The following DCLK1 variants were observed in gnomAD, a reference collection of about 807,000 sequenced individuals.
The protein encoded by DCLK1 is doublecortin like kinase 1.
In DCLK1, 16 loss-of-function variants were observed where a neutral mutation model predicts 86.2. The ratio of observed to expected loss-of-function variants is 0.19; its 90% CI spans 0.13 to 0.28. The LOEUF is 0.28. Ranked by LOEUF, DCLK1 falls within the 10% of genes least tolerant of loss-of-function variation. The pLI, the probability that DCLK1 is intolerant of heterozygous loss-of-function variation, is 1.00. For synonymous variants in DCLK1, 369 were observed against 370.5 expected (o/e 1.00, Z 0.05); for missense variants, 590 against 940.2 (o/e 0.63, Z 4.87).
intron 8 of DCLK1, among the ~76,000 whole-genome samples, chr13:35,832,681 A>G (rs989723488): frequency 1.2e-4 from 18 of 152,212 alleles, no homozygotes; most frequent in Admixed American, 1.1e-3. Flanking sequence ...TTGTTTACCA[A>G]GTAATCCTAA....
intron 3 of DCLK1, among the ~76,000 whole-genome samples, chr13:35,948,623 A>T (rs1877507909): frequency 6.6e-6 from 1 of 152,214 alleles, no homozygotes; most frequent in Non-Finnish European, 1.5e-5. Context: ...AAATGCAATG[A>T]TGTGTGGGCT....
chr13:35,865,428 T>A (rs934352054), intron 5 of DCLK1, among the ~76,000 whole-genome samples: 1 of 152,262 alleles, frequency 6.6e-6, no homozygotes, highest in Non-Finnish European at 1.5e-5. Flanking sequence ...TAGTGATTCA[T>A]CCTCCAGTGT....
chr13:35,991,523 G>A (rs1003651131), intron 3 of DCLK1, among the ~76,000 whole-genome samples: 6 of 151,992 alleles, frequency 3.9e-5, no homozygotes, highest in Admixed American at 2.6e-4. Context: ...TTAGCCAGGT[G>A]TGGTGGTGCA....
At chr13:35,991,292 C>G (rs1444200205) in intron 3 of DCLK1, among the ~76,000 whole-genome samples, 2 of 152,150 alleles carry the variant, frequency 1.3e-5, no homozygotes, top group African/African-American at 4.8e-5. Flanking sequence ...GTTCACTCTT[C>G]AACAGACTTA....
chr13:35,867,909 A>AGAAAGAAAG (rs1555345720), intron 5 of DCLK1, among the ~76,000 whole-genome samples: 1 of 102,374 alleles, frequency 9.8e-6, no homozygotes, highest in Non-Finnish European at 1.9e-5. Context: ...GAAAGAAAGA[A>AGAAAGAAAG]AAAGAAAGAA....
intron 15 of DCLK1, among the ~76,000 whole-genome samples, chr13:35,794,218 T>C (rs949977738): frequency 7.2e-5 from 11 of 152,204 alleles, no homozygotes; most frequent in Admixed American, 3.9e-4. Context: ...GAGTTCATGA[T>C]GAAAAGGCTG....
At chr13:36,056,906 A>AAATATATAT (rs4054844) in intron 3 of DCLK1, among the ~76,000 whole-genome samples, 6 of 130,174 alleles carry the variant, frequency 4.6e-5, no homozygotes, top group Admixed American at 3.4e-4. Flanking sequence ...AAAAAAAAAA[A>AAATATATAT]ATATATATAT....
chr13:36,131,808 G>T (rs935934111), upstream of DCLK1, among the ~76,000 whole-genome samples: 1 of 152,190 alleles, frequency 6.6e-6, no homozygotes, highest in Admixed American at 6.5e-5. Context: ...CTTTCCCAGG[G>T]TATGGAAGCC....
chr13:35,918,611 A>G (rs1229996712), intron 4 of DCLK1, among the ~76,000 whole-genome samples: 1 of 152,158 alleles, frequency 6.6e-6, no homozygotes, highest in African/African-American at 2.4e-5. Context: ...TCAACTGTTC[A>G]ACAAACATTT....
At chr13:35,779,984 T>G (rs1393214068) in intron 16 of DCLK1, among the ~76,000 whole-genome samples, 1 of 135,822 alleles carries the variant, frequency 7.4e-6, no homozygotes, top group African/African-American at 3.1e-5. Flanking sequence ...TCCCCGCCCC[T>G]GAAAAAAAAA....
At chr13:35,903,587 A>G (rs1874506245) in intron 4 of DCLK1, among the ~76,000 whole-genome samples, 2 of 152,154 alleles carry the variant, frequency 1.3e-5, no homozygotes, top group Non-Finnish European at 2.9e-5. Context: ...TTTTCTAAGG[A>G]ACAGGATATC....
chr13:36,086,950 T>C (rs1371410715), intron 3 of DCLK1, among the ~76,000 whole-genome samples: 3 of 152,230 alleles, frequency 2.0e-5, no homozygotes, highest in Admixed American at 6.5e-5. Flanking sequence ...TGCATCTTTA[T>C]AGTAGAATGA....
At chr13:35,814,368 A>G (rs945276433) in intron 11 of DCLK1, among the ~76,000 whole-genome samples, 1 of 152,232 alleles carries the variant, frequency 6.6e-6, no homozygotes. Flanking sequence ...ATTAAAAGTT[A>G]GAAATCAGAA....
At chr13:35,962,837 A>G (rs1361314019) in intron 3 of DCLK1, among the ~76,000 whole-genome samples, 1 of 152,194 alleles carries the variant, frequency 6.6e-6, no homozygotes, top group Non-Finnish European at 1.5e-5. Flanking sequence ...TTATGCCACC[A>G]TGACCAGTTC....
At chr13:36,039,220 A>C (rs1322969122) in intron 3 of DCLK1, among the ~76,000 whole-genome samples, 1 of 152,216 alleles carries the variant, frequency 6.6e-6, no homozygotes, top group East Asian at 1.9e-4. Context: ...TAAGGCTTTA[A>C]AAGAAAACTC....
intron 15 of DCLK1, among the ~76,000 whole-genome samples, chr13:35,804,555 C>T (rs1468396192): frequency 2.0e-5 from 3 of 152,014 alleles, no homozygotes; most frequent in Non-Finnish European, 4.4e-5. Flanking sequence ...GCCTCAGCCT[C>T]CTGAGTAGCT....
At chr13:35,907,969 A>C (rs562331697) in intron 4 of DCLK1, among the ~76,000 whole-genome samples, 1 of 152,162 alleles carries the variant, frequency 6.6e-6, no homozygotes, top group South Asian at 2.1e-4. Context: ...AGTTCTAAGA[A>C]CATTTAATTT....
intron 4 of DCLK1, among the ~76,000 whole-genome samples, chr13:35,888,591 A>G (rs141114704): frequency 1.2e-4 from 19 of 152,342 alleles, no homozygotes; most frequent in African/African-American, 3.6e-4. Context: ...GAAGGCAGCC[A>G]TCTAATATGA....
At chr13:35,877,666 T>C in intron 4 of DCLK1, among the ~76,000 whole-genome samples, 1 of 152,226 alleles carries the variant, frequency 6.6e-6, no homozygotes, top group Admixed American at 6.5e-5. Context: ...TTCAGTTTTC[T>C]GAATTGTTCA....
Sources: allele counts gnomAD v4.1 joint callset (sites outside exome capture counted in the v4.1 genomes callset), GRCh38; gene constraint gnomAD v4.1.1; transcripts MANE v1.5; gene names NCBI Gene and HGNC (gene_info 2026-07-23, HGNC 2026-07-21).